The following ADGRL2 variants were observed in gnomAD, a reference collection of about 807,000 sequenced individuals.
The protein encoded by ADGRL2 is adhesion G protein-coupled receptor L2, also known as calcium-independent alpha-latrotoxin receptor 2.
In ADGRL2, 44 loss-of-function variants were observed where a neutral mutation model predicts 157.4. The observed-to-expected ratio is 0.28, with a 90% CI of 0.22 to 0.36. The LOEUF is 0.36. Ranked by LOEUF, ADGRL2 falls within the 10% of genes least tolerant of loss-of-function variation. The pLI is 1.00. For missense variants in ADGRL2, 1,510 were observed against 1,768.9 expected, an observed-to-expected ratio of 0.85 and a Z score of 2.63; for synonymous variants, 585 against 624.7, an observed-to-expected ratio of 0.94 and a Z score of 0.95.
chr1:81,764,055 G>C (rs2086011786), intron 2 of ADGRL2, among the ~76,000 whole-genome samples: 1 of 151,890 alleles, frequency 6.6e-6, no homozygotes, highest in Admixed American at 6.6e-5. Flanking sequence ...AGCCAGGCTT[G>C]GTGGCACACG....
At chr1:81,837,158 A>G (rs2092324248) in intron 2 of ADGRL2, 101 bp downstream of exon 2, 1 of 561,390 alleles carries the variant, frequency 1.8e-6, no homozygotes, top group Non-Finnish European at 3.0e-6. Context: ...ATTATTTTAA[A>G]AATAGGTGTT....
At chr1:81,405,245 T>C (rs1283886265) in intron 1 of ADGRL2, among the ~76,000 whole-genome samples, 1 of 152,142 alleles carries the variant, frequency 6.6e-6, no homozygotes, top group Non-Finnish European at 1.5e-5. Context: ...TATCCCTTAT[T>C]CAACATCACA....
chr1:81,497,901 G>T (rs763498322), intron 2 of ADGRL2, among the ~76,000 whole-genome samples: 6 of 152,164 alleles, frequency 3.9e-5, no homozygotes, highest in Non-Finnish European at 7.3e-5. Flanking sequence ...ACTCATTCTT[G>T]ACTGCTGACA....
chr1:81,520,931 G>A (rs373063569), intron 2 of ADGRL2, among the ~76,000 whole-genome samples: 2 of 152,108 alleles, frequency 1.3e-5, no homozygotes, highest in African/African-American at 2.4e-5. Flanking sequence ...GGACCAATAC[G>A]GCTACTTGAT....
intron 2 of ADGRL2, among the ~76,000 whole-genome samples, chr1:81,554,579 G>C (rs1187213631): frequency 1.3e-5 from 2 of 149,646 alleles, no homozygotes; most frequent in Admixed American, 1.3e-4. Context: ...GCACCAAATA[G>C]AATAGTTCCC....
chr1:81,843,191 G>A (rs2092663479), intron 2 of ADGRL2, among the ~76,000 whole-genome samples: 1 of 152,100 alleles, frequency 6.6e-6, no homozygotes, highest in Non-Finnish European at 1.5e-5. Flanking sequence ...GGAGTGCAGT[G>A]GTGTGGTCTC....
At chr1:81,323,140 G>C (rs139362192) in intron 1 of ADGRL2, among the ~76,000 whole-genome samples, 4,008 of 152,254 alleles carry the variant, frequency 0.026, 94 homozygotes, top group Middle Eastern at 0.092. Flanking sequence ...TTACAGGTGT[G>C]AGCCACCGTG....
At chr1:81,913,219 T>C (rs2094773867) in intron 3 of ADGRL2, among the ~76,000 whole-genome samples, 1 of 152,208 alleles carries the variant, frequency 6.6e-6, no homozygotes, top group Non-Finnish European at 1.5e-5. Flanking sequence ...TATCTCTAAG[T>C]ATAATAATTA....
At chr1:81,721,508 C>T (rs141709810) in intron 1 of ADGRL2, among the ~76,000 whole-genome samples, 132 of 152,284 alleles carry the variant, frequency 8.7e-4, no homozygotes, top group Non-Finnish European at 1.4e-3. Flanking sequence ...GTAATCACAG[C>T]AATTTGGGAG....
At chr1:81,853,771 T>C (rs770076049) in intron 2 of ADGRL2, among the ~76,000 whole-genome samples, 2 of 152,238 alleles carry the variant, frequency 1.3e-5, no homozygotes, top group Admixed American at 6.6e-5. Flanking sequence ...TTTTCTGTCA[T>C]TTTTTTCTAA....
intron 1 of ADGRL2, among the ~76,000 whole-genome samples, chr1:81,360,771 A>G (rs1347708644): frequency 1.3e-5 from 2 of 151,964 alleles, no homozygotes; most frequent in Non-Finnish European, 1.5e-5. Flanking sequence ...GAAGGAAGAA[A>G]AAGAAATTAC....
At chr1:81,861,431 G>A (rs1169695103) in intron 2 of ADGRL2, among the ~76,000 whole-genome samples, 1 of 152,132 alleles carries the variant, frequency 6.6e-6, no homozygotes, top group Non-Finnish European at 1.5e-5. Flanking sequence ...AATTCATCTA[G>A]CACTTTATAA....
chr1:81,712,119 A>G lies in ADGRL2; in HGVS notation c.-143+12311A>G, dbSNP rs997876260. Among the ~76,000 whole-genome samples, 4 of 152,062 alleles carry G rather than the reference A, an allele frequency of 2.6e-5. No individual in the cohort carries two copies. In the East Asian group the frequency reaches 7.7e-4, roughly 29 times the overall value. ...CTTTGTAAAGTGTAAAGACATCTCA[A>G]CCATATGGTTTCTATATGGCAACTG... On this transcript the variant is annotated intron_variant, in intron 1 of 20. Transcript: ENST00000359929.
At chr1:81,492,496 A>G (rs74096451) in intron 2 of ADGRL2, among the ~76,000 whole-genome samples, 12,347 of 152,246 alleles carry the variant, frequency 0.081, 746 homozygotes, top group East Asian at 0.28. Flanking sequence ...GAAATGTAAT[A>G]AAAAAGAAAT....
chr1:81,936,668 T>A (rs985477076), intron 3 of ADGRL2, 60 bp from the exon 4 acceptor site: 31 of 987,870 alleles, frequency 3.1e-5, no homozygotes, highest in South Asian at 1.9e-4. Flanking sequence ...CTATGTTATA[T>A]TTAAGTGAAA....
chr1:81,685,545 A>G (rs2148969895), intron 3 of ADGRL2, among the ~76,000 whole-genome samples: 1 of 152,246 alleles, frequency 6.6e-6, no homozygotes, highest in East Asian at 1.9e-4. Context: ...AGGAGTCTTT[A>G]GGGTTTTCAA....
rs866265838 is a variant in ADGRL2, at chr1:81,392,453, T to C, written c.-301-52583T>C. ...TCTGCAAAATTATGCTGGAGGAACA[T>C]GCTAATGCTAACAAAGGAGCCAGCT... On this transcript the variant is annotated intron_variant, in intron 1 of 24. Transcript: ENST00000370721. 8.5e-4 allele frequency among the ~76,000 whole-genome samples: 130 copies of C among 152,162 alleles called. 1 individual carries two copies. The highest frequency in any genetic ancestry group is 3.0e-3 in the African/African-American group (125 of 41,528).
chr1:81,306,255 C>T (rs946159349), exon 1 of ADGRL2: 2 of 152,158 alleles, frequency 1.3e-5, no homozygotes, highest in Admixed American at 1.3e-4. Flanking sequence ...AATGTATCTG[C>T]TCTGTATCTG....
intron 11 of ADGRL2, among the ~76,000 whole-genome samples, chr1:81,962,736 G>A (rs756956772): frequency 1.4e-4 from 21 of 152,102 alleles, no homozygotes; most frequent in Non-Finnish European, 1.2e-4. Context: ...TGAATAACCA[G>A]TTCCTTGTTT....
Sources: gnomAD v4.1 joint callset for allele counts (sites outside exome capture counted in the v4.1 genomes callset) on GRCh38, gnomAD v4.1.1 for gene constraint, MANE v1.5 for transcripts, NCBI Gene and HGNC (gene_info 2026-07-23, HGNC 2026-07-21) for gene names.